The following ADRA1B variants were observed in gnomAD, a reference collection of about 807,000 sequenced individuals.
ADRA1B encodes adrenoceptor alpha 1B.
Under a neutral mutation model 17.9 loss-of-function variants are expected in ADRA1B, and 17 were observed. The ratio of observed to expected loss-of-function variants is 0.95; its 90% confidence interval spans 0.65 to 1.42. ADRA1B has a LOEUF of 1.42. Ranked by LOEUF, ADRA1B falls within the 40% of genes most tolerant of loss-of-function variation. ADRA1B has a pLI of 0.00. For synonymous variants in ADRA1B, 366 were observed against 327.6 expected (o/e 1.12, Z -1.27); for missense variants, 681 against 722.1 (o/e 0.94, Z 0.65).
At chr5:159,906,306 G>A (rs965181861) in intron 1 of ADRA1B, among the ~76,000 whole-genome samples, 44 of 152,092 alleles carry the variant, frequency 2.9e-4, no homozygotes, top group African/African-American at 1.0e-3. Context: ...ACCAAGTTAT[G>A]CATATAAGAA....
At chr5:159,973,701 G>A (rs1031764353), downstream of ADRA1B, among the ~76,000 whole-genome samples, 1 of 152,210 alleles carries the variant, frequency 6.6e-6, no homozygotes, top group African/African-American at 2.4e-5. Context: ...GAAAGGTGGA[G>A]CATTCTTTGG....
At chr5:159,959,682 A>T (rs895793580) in intron 1 of ADRA1B, among the ~76,000 whole-genome samples, 15 of 152,182 alleles carry the variant, frequency 9.9e-5, no homozygotes, top group African/African-American at 3.6e-4. Context: ...GTGACACAAA[A>T]TTCCTGGCTT....
the ADRA1B span, among the ~76,000 whole-genome samples, chr5:159,983,109 A>G: frequency 6.6e-6 from 1 of 152,234 alleles, no homozygotes; most frequent in East Asian, 1.9e-4. Flanking sequence ...GAAAGTAACC[A>G]CCTTCCTTCC....
In ADRA1B at chr5:159,904,613, T is replaced by G. The variant is rs576865740; in HGVS notation, c.-255-11506T>G. Among the ~76,000 whole-genome samples, 2 of 152,360 alleles carry G rather than the reference T, an allele frequency of 1.3e-5. 1 individual carries two copies. Among genetic ancestry groups the G allele is most frequent in the African/African-American group, 4.8e-5 (2 of 41,590 alleles). ...TAGACGGAAGAAGGATTAGCATTAC[T>G]GAGTGAGCCTACTATGTGTCAGGCC... On this transcript the variant is annotated intron_variant, in intron 1 of 2. Coordinates refer to the ADRA1B transcript ENST00000641205.
At chr5:159,885,650 G>T (rs1246836821) in intron 1 of ADRA1B, among the ~76,000 whole-genome samples, 4 of 152,196 alleles carry the variant, frequency 2.6e-5, no homozygotes, top group Non-Finnish European at 5.9e-5. Flanking sequence ...GGAATCCCAG[G>T]TCCTTGATGA....
In ADRA1B at chr5:159,935,443, G is replaced by A. The variant is rs1297221568; in HGVS notation, c.949+17589G>A. 2.5e-4 allele frequency among the ~76,000 whole-genome samples: 38 copies of A among 152,114 alleles called. 2 individuals carry two copies. Among genetic ancestry groups the A allele is most frequent in the Admixed American group, 3.9e-4 (6 of 15,268 alleles). On this transcript the variant is annotated intron_variant, in intron 1 of 1. Coordinates refer to ENST00000306675, the MANE Select transcript of ADRA1B (RefSeq NM_000679.4). ...ACATCTTCTTTTAAGAAATAAAAAT[G>A]TTACAAATATATATAAAAGGCGCCC...
chr5:159,913,731 G>C (rs918087057), upstream of ADRA1B, among the ~76,000 whole-genome samples: 1 of 152,038 alleles, frequency 6.6e-6, no homozygotes, highest in African/African-American at 2.4e-5. Context: ...CATTGCAGCT[G>C]GTTACTGTGA....
At chr5:159,968,115 G>A (rs749054193) in intron 1 of ADRA1B, among the ~76,000 whole-genome samples, 3 of 152,134 alleles carry the variant, frequency 2.0e-5, no homozygotes, top group Admixed American at 6.5e-5. Flanking sequence ...GGAGCTTAGT[G>A]TTTGTGGAAC....
chr5:159,936,160 G>T (rs1754949878), intron 1 of ADRA1B, among the ~76,000 whole-genome samples: 1 of 152,182 alleles, frequency 6.6e-6, no homozygotes, highest in Non-Finnish European at 1.5e-5. Context: ...CACACTGGGG[G>T]TGCTACTGGC....
At chr5:159,967,383 T>C (rs1364769293) in intron 1 of ADRA1B, among the ~76,000 whole-genome samples, 2 of 152,200 alleles carry the variant, frequency 1.3e-5, no homozygotes, top group African/African-American at 4.8e-5. Flanking sequence ...CCATCTGAGT[T>C]GAGTGGGGCT....
the ADRA1B span, among the ~76,000 whole-genome samples, chr5:159,979,994 G>C: frequency 6.6e-6 from 1 of 152,076 alleles, no homozygotes; most frequent in African/African-American, 2.4e-5. Flanking sequence ...GCAGCAGAAG[G>C]AGCCCCACCA....
upstream of ADRA1B, chr5:159,916,116 T>C (rs1008015146): frequency 5.9e-5 from 9 of 152,314 alleles, no homozygotes; most frequent in African/African-American, 2.2e-4. Flanking sequence ...TTCCCTCTTT[T>C]AGGTGCTGGA....
At chr5:159,926,751 G>T (rs899850550) in intron 1 of ADRA1B, among the ~76,000 whole-genome samples, 1 of 152,100 alleles carries the variant, frequency 6.6e-6, no homozygotes, top group African/African-American at 2.4e-5. Context: ...GCCGGGCGTG[G>T]TAGCGGGCAC....
At chr5:159,923,081 G>A (rs558683151) in intron 1 of ADRA1B, among the ~76,000 whole-genome samples, 8 of 152,380 alleles carry the variant, frequency 5.3e-5, no homozygotes, top group African/African-American at 1.9e-4. Flanking sequence ...GCAGGAGGAG[G>A]GGCACACTTG....
At chr5:159,873,964 G>T (rs562628656) in intron 1 of ADRA1B, among the ~76,000 whole-genome samples, 21 of 152,168 alleles carry the variant, frequency 1.4e-4, no homozygotes, top group Non-Finnish European at 2.4e-4. Flanking sequence ...CCACCTCTTT[G>T]TTTTTTTATG....
At chr5:159,912,540 C>T (rs547718039), upstream of ADRA1B, among the ~76,000 whole-genome samples, 3 of 152,352 alleles carry the variant, frequency 2.0e-5, no homozygotes, top group African/African-American at 7.2e-5. Flanking sequence ...AGCCTGGTCA[C>T]ATTCTGTTCT....
At chr5:159,987,528 G>C in the ADRA1B span, among the ~76,000 whole-genome samples, 5 of 152,366 alleles carry the variant, frequency 3.3e-5, no homozygotes, top group Middle Eastern at 3.4e-3. Context: ...CAAGCTCGGC[G>C]TTGAGGTGGA....
At chr5:159,896,715 C>T (rs1424254176) in intron 1 of ADRA1B, among the ~76,000 whole-genome samples, 1 of 152,164 alleles carries the variant, frequency 6.6e-6, no homozygotes, top group African/African-American at 2.4e-5. Flanking sequence ...TCATCAGCCG[C>T]GCTCCACTGA....
intron 1 of ADRA1B, among the ~76,000 whole-genome samples, chr5:159,954,092 T>C (rs1755502804): frequency 6.6e-6 from 1 of 151,998 alleles, no homozygotes; most frequent in African/African-American, 2.4e-5. Flanking sequence ...GGGAGGGAAA[T>C]GGAGAGGAAC....
Sources: allele counts gnomAD v4.1 joint callset (sites outside exome capture counted in the v4.1 genomes callset), GRCh38; gene constraint gnomAD v4.1.1; transcripts MANE v1.5; gene names NCBI Gene and HGNC (gene_info 2026-07-23, HGNC 2026-07-21).